Variants in KATNIP observed in about 807,000 individuals in gnomAD.
KATNIP encodes the protein katanin-interacting protein.
A neutral mutation model predicts 174.0 loss-of-function variants in KATNIP; 126 were observed. The ratio of observed to expected loss-of-function variants is 0.72; its 90% confidence interval spans 0.63 to 0.84. The LOEUF (loss-of-function observed/expected upper bound fraction) is 0.84, where lower values mean the gene tolerates loss of function less well. Ranked by LOEUF, KATNIP falls within the 40% of genes least tolerant of loss-of-function variation. The probability of loss-of-function intolerance (pLI) is 0.00; values close to 1 mark genes in which losing one functional copy is unlikely to be tolerated. For synonymous variants in KATNIP, 810 were observed against 835.7 expected, an observed-to-expected ratio of 0.97 and a Z score of 0.53; for missense variants, 1,958 against 2,109.7, an observed-to-expected ratio of 0.93 and a Z score of 1.41.
At position 27,698,366 on chromosome 16, in the gene KATNIP, C is replaced by T. The variant is rs760066857; in HGVS notation, c.979C>T (p.Arg327Cys). 7 of 1,612,636 alleles carry T rather than the reference C, an allele frequency of 4.3e-6. No homozygotes were observed. The highest frequency in any genetic ancestry group is 2.7e-5 in the African/African-American group (2 of 74,906). ...SRRERPLSAT[R>C]KTLCEAEYPE... ...GCGAGAGAGACCCCTGTCTGCAACC[C>T]GCAAAACTCTTTGCGAGGCTGAGTA... The change falls in exon 9 of 28, where the codon CGC becomes TGC. Residue 327 changes from arginine (R) to cysteine (C), a missense_variant. Coordinates refer to ENST00000261588, the MANE Select transcript of KATNIP (RefSeq NM_015202.5).
chr16:27,720,578 A>G (rs933341731), intron 13 of KATNIP, among the ~76,000 whole-genome samples: 22 of 150,174 alleles, frequency 1.5e-4, no homozygotes, highest in Admixed American at 1.3e-4. Context: ...ACCAGACACA[A>G]CCCCTTCCCT....
intron 6 of KATNIP, among the ~76,000 whole-genome samples, chr16:27,663,451 T>C (rs980169350): frequency 2.6e-5 from 4 of 151,872 alleles, no homozygotes; most frequent in African/African-American, 4.8e-5. Context: ...TTTATTTATT[T>C]ATTTATTTTG....
At chr16:27,628,599 G>A in intron 3 of KATNIP, 62 bp from the exon 4 acceptor site, 1 of 1,550,828 alleles carries the variant, frequency 6.4e-7, no homozygotes, top group South Asian at 1.2e-5. Context: ...CTCCTGGCTT[G>A]GGGGTACAGC....
intron 16 of KATNIP, 87 bp downstream of exon 16, chr16:27,750,393 C>A: frequency 1.6e-6 from 2 of 1,266,208 alleles, no homozygotes; most frequent in Non-Finnish European, 2.2e-6. Flanking sequence ...GCTGGCTAGC[C>A]AACAACAGAT....
At chr16:27,729,926 A>G (rs1320614093) in intron 14 of KATNIP, among the ~76,000 whole-genome samples, 1 of 152,024 alleles carries the variant, frequency 6.6e-6, no homozygotes, top group Non-Finnish European at 1.5e-5. Flanking sequence ...GTGTATCCCC[A>G]TCCTTCCCTC....
In KATNIP at chr16:27,740,542, G is replaced by T. The variant is rs775340152; in HGVS notation, c.2245G>T (p.Gly749Trp). 2 of 1,614,096 alleles carry T rather than the reference G, an allele frequency of 1.2e-6. No individual in the cohort carries two copies. The highest frequency in any genetic ancestry group is 2.7e-5 in the African/African-American group (2 of 75,014). The change falls in exon 15 of 28, where the codon GGG becomes TGG. Residue 749 changes from glycine to tryptophan, a missense_variant. By Grantham distance (184) the Gly-to-Trp change is radical (BLOSUM62 -2). This residue lies in a region of KATNIP where 1,557 missense variants were observed against 1,617.8 expected (regional missense o/e 0.96). Transcript: ENST00000261588. ...GGGCAGAAAAATCTGTGAGCCACCC[G>T]GGAAAACCCCATCCTGGTTACAACC... ...LMGRKICEPP[G>W]KTPSWLQPSP...
At position 27,721,411 on chromosome 16, in the gene KATNIP, G is replaced by A. The variant is rs574906926; in HGVS notation, c.1606-147G>A. 4.5e-5 allele frequency: 39 copies of A among 873,422 alleles called. No homozygotes were observed. The African/African-American group carries it at 6.4e-4, about 14-fold the overall frequency. 54.1% of individuals were successfully genotyped at this position (873,422 alleles called of 1,614,324 possible). A position where few individuals can be genotyped will look rare whatever the true frequency, so the allele number is the denominator to read the frequency against. On this transcript the variant is annotated intron_variant, in intron 13 of 27. Transcript: ENST00000261588. ...CGGGGTGATCTGAGTCCCCAGCCTG[G>A]GTGATGGCAACGGGGTGGCCTGGCT... is the stretch of plus-strand genomic sequence containing the variant.
At chr16:27,597,305 G>A (rs1354202026) in intron 2 of KATNIP, among the ~76,000 whole-genome samples, 1 of 151,810 alleles carries the variant, frequency 6.6e-6, no homozygotes, top group Admixed American at 6.6e-5. Flanking sequence ...CTGTTGCCAT[G>A]AGCTAGGCAT....
At chr16:27,656,054 G>A (rs9922980) in intron 6 of KATNIP, among the ~76,000 whole-genome samples, 2,368 of 152,210 alleles carry the variant, frequency 0.016, 61 homozygotes, top group African/African-American at 0.055. Context: ...TTTCAAAAGC[G>A]AAATCCAGTG....
intron 2 of KATNIP, among the ~76,000 whole-genome samples, chr16:27,604,344 C>G (rs1201791690): frequency 1.3e-5 from 2 of 152,282 alleles, no homozygotes; most frequent in African/African-American, 4.8e-5. Flanking sequence ...AGCGATCCTC[C>G]CAACTCAGCC....
At chr16:27,639,287 C>T (rs968682092) in intron 5 of KATNIP, among the ~76,000 whole-genome samples, 2 of 152,170 alleles carry the variant, frequency 1.3e-5, no homozygotes, top group Non-Finnish European at 2.9e-5. Flanking sequence ...GTTGGGCTCC[C>T]GAGCTGCCAC....
chr16:27,558,562 GATA>G (rs961198511), intron 1 of KATNIP, among the ~76,000 whole-genome samples: 1 of 152,258 alleles, frequency 6.6e-6, no homozygotes, highest in African/African-American at 2.4e-5. Context: ...GTCCTTAGAA[GATA>G]ATATTTGTAG....
intron 16 of KATNIP, among the ~76,000 whole-genome samples, 154 bp downstream of exon 16, chr16:27,750,460 C>A (rs2081466236): frequency 6.6e-6 from 1 of 150,696 alleles, no homozygotes; most frequent in African/African-American, 2.4e-5. Context: ...TGCTCTGTCC[C>A]CCAGGCTGGA....
At chr16:27,673,602 C>G (rs2077999278) in intron 6 of KATNIP, among the ~76,000 whole-genome samples, 2 of 152,132 alleles carry the variant, frequency 1.3e-5, no homozygotes, top group African/African-American at 2.4e-5. Context: ...CCTGGACATT[C>G]TGTTATGTTT....
At chr16:27,664,398 G>A (rs1055742165) in intron 6 of KATNIP, among the ~76,000 whole-genome samples, 3 of 152,134 alleles carry the variant, frequency 2.0e-5, no homozygotes, top group Admixed American at 6.5e-5. Context: ...AATCACACAC[G>A]ATTAGTTGTA....
intron 14 of KATNIP, among the ~76,000 whole-genome samples, chr16:27,739,319 G>T (rs2081016766): frequency 6.6e-6 from 1 of 152,232 alleles, no homozygotes; most frequent in Non-Finnish European, 1.5e-5. Flanking sequence ...GATAGGTGAA[G>T]ACTAGGGTTG....
intron 12 of KATNIP, chr16:27,708,345 T>C (rs924913072): frequency 1.4e-5 from 3 of 211,200 alleles, no homozygotes; most frequent in Non-Finnish European, 2.9e-5. Flanking sequence ...ACCTACTCAA[T>C]TCAGCAGATG....
rs1332094742 is a variant in KATNIP, at chr16:27,749,959, G to A, written c.2999G>A (p.Ser1000Asn). Residue 1000 changes from serine (S) to asparagine (N), a missense_variant, in exon 16 of 28, where the codon AGT becomes AAT. Ser to Asn is a conservative substitution (Grantham distance 46). Transcript: ENST00000261588. The stretch of plus-strand genomic sequence containing the variant: ...GGCCTCAACGGAATAGAAATATTCA[G>A]TTCCAAGGGTGAACCGGTGCAGATT... Reference protein sequence around the residue: ...YVGLNGIEIFSSKGEPVQISN... With the variant: ...YVGLNGIEIFNSKGEPVQISN... 1 of 1,614,220 alleles carries A rather than the reference G, an allele frequency of 6.2e-7. No individual in the cohort carries two copies. The highest frequency in any genetic ancestry group is 8.5e-7 in the Non-Finnish European group (1 of 1,180,024).
intron 3 of KATNIP, among the ~76,000 whole-genome samples, chr16:27,623,466 A>G (rs1472495517): frequency 1.3e-5 from 2 of 151,804 alleles, no homozygotes; most frequent in East Asian, 3.9e-4. Context: ...TGATTGATTG[A>G]TTGATTGATT....
Sources: gnomAD v4.1 joint callset for allele counts (sites outside exome capture counted in the v4.1 genomes callset) on GRCh38, gnomAD v4.1.1 for gene constraint, gnomAD v4.1.1 regional missense constraint, MANE v1.5 for transcripts, NCBI Gene and HGNC (gene_info 2026-07-23, HGNC 2026-07-21) for gene names.